Variants in VAV1 observed in about 807,000 individuals in gnomAD.
VAV1 encodes the protein vav guanine nucleotide exchange factor 1, also known as proto-oncogene vav.
Under a neutral mutation model 128.1 loss-of-function variants are expected in VAV1, and 33 were observed. That is an observed-to-expected ratio of 0.26 (90% CI 0.20 to 0.34). The LOEUF is 0.34. VAV1 is among the 10% of genes least tolerant of loss of function. The pLI, the probability that VAV1 is intolerant of heterozygous loss-of-function variation, is 1.00. For synonymous variants in VAV1, 394 were observed against 409.8 expected (o/e 0.96, Z 0.47); for missense variants, 715 against 1,093.7 (o/e 0.65, Z 4.88).
Position 6,828,958 on chromosome 19 carries a change from T to G in VAV1, c.1265+58T>G. The G allele has an allele frequency of 6.3e-7, 1 of 1,595,296 alleles. No homozygotes were observed. The highest frequency in any genetic ancestry group is 8.6e-7 in the Non-Finnish European group (1 of 1,166,320). ...CCTGGGCAAAGGGGTGGGACCAGGC[T>G]CCTAGATGGGCAGGTGGGTGGAGTC... On this transcript the variant is annotated intron_variant, in intron 13 of 26. Transcript: ENST00000602142. The surrounding 1 kb of genome is among the most constrained non-coding windows in gnomAD (Gnocchi z 4.5).
At chr19:6,814,659 C>CTTTCTTT (rs1568299077) in intron 1 of VAV1, among the ~76,000 whole-genome samples, 41 of 35,452 alleles carry the variant, frequency 1.2e-3, no homozygotes, top group African/African-American at 5.3e-3. Context: ...TTCCTTCCTT[C>CTTTCTTT]CTTCCTTCCT....
chr19:6,844,513 A>T (rs2144815998), intron 22 of VAV1, among the ~76,000 whole-genome samples: 1 of 152,232 alleles, frequency 6.6e-6, no homozygotes, highest in South Asian at 2.1e-4. Context: ...CACCTCGCCC[A>T]GCCGACGCTC....
At chr19:6,783,488 T>TTTC (rs1211548027) in intron 1 of VAV1, among the ~76,000 whole-genome samples, 1 of 151,452 alleles carries the variant, frequency 6.6e-6, no homozygotes, top group Non-Finnish European at 1.5e-5. Flanking sequence ...TTTTTTTTTT[T>TTTC]TTTGAGACGG....
intron 26 of VAV1, among the ~76,000 whole-genome samples, chr19:6,855,686 T>C (rs1972777535): frequency 6.6e-6 from 1 of 151,980 alleles, no homozygotes; most frequent in African/African-American, 2.4e-5. Flanking sequence ...TATCTCTATA[T>C]TTATCCATCC....
rs190156224 is a variant in VAV1, at chr19:6,798,373, A to G, written c.205-22329A>G. The stretch of plus-strand genomic sequence containing the variant: ...CAGGGCATGGTGCCTGAAGCCTGTA[A>G]TCTCGCCCCTTTGGGAAGCTGGTGT... On this transcript the variant is annotated intron_variant, in intron 1 of 26. Transcript: ENST00000602142. Among the ~76,000 whole-genome samples, 255 of 152,190 alleles carry G rather than the reference A, an allele frequency of 1.7e-3. 2 individuals carry two copies. The highest frequency in any genetic ancestry group is 5.9e-3 in the African/African-American group (247 of 41,518).
rs532861266 is a variant in VAV1, at chr19:6,778,627, C to T, written c.204+5616C>T. 4.6e-5 allele frequency among the ~76,000 whole-genome samples: 7 copies of T among 152,234 alleles called. No individual in the cohort carries two copies. The South Asian group carries it at 8.3e-4, about 18-fold the overall frequency. ...GCTCACGCCTGTGGTCCCAGCTACC[C>T]GAGAGGCTAAGTGGGGAGGATCACT... On this transcript the variant is annotated intron_variant, in intron 1 of 26. Transcript: ENST00000602142.
At chr19:6,808,961 G>C (rs1156888609) in intron 1 of VAV1, among the ~76,000 whole-genome samples, 2 of 152,086 alleles carry the variant, frequency 1.3e-5, no homozygotes, top group Non-Finnish European at 2.9e-5. Context: ...CTGAGTGCTT[G>C]AATTTGGCAG....
chr19:6,855,401 TATCC>T (rs921243999), intron 26 of VAV1, among the ~76,000 whole-genome samples: 38 of 151,658 alleles, frequency 2.5e-4, no homozygotes, highest in Admixed American at 7.3e-4. Flanking sequence ...TCCATCCATC[TATCC>T]ATCCATCCAT....
At chr19:6,841,139 T>A (rs1265980086) in intron 21 of VAV1, among the ~76,000 whole-genome samples, 3 of 152,048 alleles carry the variant, frequency 2.0e-5, no homozygotes, top group African/African-American at 2.4e-5. Context: ...GGTCTCGAAC[T>A]CCTGGGCTCA....
At chr19:6,773,053 G>A (rs1172426249) in intron 1 of VAV1, 42 bp downstream of exon 1, 3 of 1,612,272 alleles carry the variant, frequency 1.9e-6, no homozygotes, top group Non-Finnish European at 2.5e-6. Context: ...TTGGAGACGG[G>A]GGTCCTCCCC....
intron 1 of VAV1, among the ~76,000 whole-genome samples, chr19:6,809,507 G>A (rs370151158): frequency 2.6e-5 from 4 of 152,178 alleles, no homozygotes; most frequent in African/African-American, 9.7e-5. Context: ...TTAGCGTGTG[G>A]CAACCACTTC....
chr19:6,847,856 T>C (rs1232105846), intron 22 of VAV1, 142 bp from the exon 23 acceptor site: 3 of 649,364 alleles, frequency 4.6e-6, no homozygotes, highest in Non-Finnish European at 7.0e-6. Context: ...GGGCCTACCT[T>C]GGTGCTGAAG....
chr19:6,857,224 A>T lies in VAV1; in HGVS notation c.*117A>T, dbSNP rs2144841951. ...GGGTGGAGACTTTGGGATGGACTGG[A>T]GGAGGCCAGCGTCCAGCTGGCGGTG... On this transcript the variant is annotated 3_prime_UTR_variant, in exon 27 of 27. Coordinates refer to ENST00000602142, the MANE Select transcript of VAV1 (RefSeq NM_005428.4). 2 of 1,418,454 alleles carry T rather than the reference A, an allele frequency of 1.4e-6. No individual in the cohort carries two copies. The highest frequency in any genetic ancestry group is 4.7e-5 in the East Asian group (2 of 42,820). The allele number at this position is 1,418,454 out of a possible 1,614,324, so 87.9% of individuals were successfully genotyped here. A position where few individuals can be genotyped will look rare whatever the true frequency, so the allele number is the denominator to read the frequency against.
chr19:6,822,554 G>C lies in VAV1; in HGVS notation c.654+40G>C, dbSNP rs1568304121. On this transcript the variant is annotated intron_variant, in intron 6 of 26. Coordinates refer to ENST00000602142, the MANE Select transcript of VAV1 (RefSeq NM_005428.4). The surrounding 1 kb of genome is among the most constrained non-coding windows in gnomAD (Gnocchi z 5.9). ...CCCAGCGCCTGCCGGGCGCATGCGC[G>C]GGAGCTGGGCCGGCAGGTGCACGTC... The C allele has an allele frequency of 6.5e-7, 1 of 1,530,038 alleles. No homozygotes were observed. The highest frequency in any genetic ancestry group is 1.2e-5 in the South Asian group (1 of 83,622). 94.8% of individuals were successfully genotyped at this position (1,530,038 alleles called of 1,614,324 possible).
chr19:6,793,075 C>T (rs1971051843), intron 1 of VAV1, among the ~76,000 whole-genome samples: 1 of 152,122 alleles, frequency 6.6e-6, no homozygotes, highest in East Asian at 1.9e-4. Context: ...TGGCTCACAC[C>T]TGTAATCCCA....
intron 22 of VAV1, among the ~76,000 whole-genome samples, chr19:6,846,013 T>C (rs1045111494): frequency 1.3e-5 from 2 of 148,802 alleles, no homozygotes; most frequent in Admixed American, 1.3e-4. Flanking sequence ...TATTACATAT[T>C]TACATTTACA....
Position 6,820,320 on chromosome 19 carries a change from C to T in VAV1, c.205-382C>T, listed in dbSNP as rs149791166. ...GTGCCATCATAGCTCACCGCAGGCT[C>T]GAACTCCTGGGCTCAGTGATCCACT... On this transcript the variant is annotated intron_variant, in intron 1 of 26. Transcript: ENST00000602142. The surrounding 1 kb of genome is among the most constrained non-coding windows in gnomAD (Gnocchi z 4.4). Among the ~76,000 whole-genome samples the T allele has an allele frequency of 5.4e-3, 827 of 152,242 alleles. 5 individuals carry two copies. Among genetic ancestry groups the T allele is most frequent in the African/African-American group, 0.018 (747 of 41,542 alleles).
At chr19:6,782,375 TA>T (rs1156508579) in intron 1 of VAV1, among the ~76,000 whole-genome samples, 7 of 151,742 alleles carry the variant, frequency 4.6e-5, no homozygotes, top group Non-Finnish European at 5.9e-5. Context: ...TAAAATAAAA[TA>T]AAATGGAAAT....
chr19:6,790,611 A>T (rs1215133660), intron 1 of VAV1, among the ~76,000 whole-genome samples: 1 of 152,180 alleles, frequency 6.6e-6, no homozygotes, highest in Non-Finnish European at 1.5e-5. Flanking sequence ...CCAGGAAAGA[A>T]TTCAAGGGCA....
Sources: gnomAD v4.1 joint callset for allele counts (sites outside exome capture counted in the v4.1 genomes callset) on GRCh38, gnomAD v4.1.1 for gene constraint, Gnocchi (gnomAD v3.1) non-coding constraint, MANE v1.5 for transcripts, NCBI Gene and HGNC (gene_info 2026-07-23, HGNC 2026-07-21) for gene names.